The following IQCK variants were observed in gnomAD, a reference collection of about 807,000 sequenced individuals.
The protein encoded by IQCK is IQ motif containing K, also known as IQ domain-containing protein K.
IQCK carries 29 observed loss-of-function variants against 28.1 expected under a neutral mutation model. That is an observed-to-expected ratio of 1.03 (90% CI 0.77 to 1.41). The LOEUF (loss-of-function observed/expected upper bound fraction) is 1.41, where lower values mean the gene tolerates loss of function less well. IQCK is among the 40% of genes most tolerant of loss of function. The pLI is 0.00. For missense variants in IQCK, 359 were observed against 314.7 expected (o/e 1.14, Z -1.07); for synonymous variants, 113 against 115.1 (o/e 0.98, Z 0.12).
At chr16:19,843,503 C>A (rs1202000276) in intron 9 of IQCK, among the ~76,000 whole-genome samples, 1 of 152,204 alleles carries the variant, frequency 6.6e-6, no homozygotes, top group Non-Finnish European at 1.5e-5. Context: ...TCACTCAGCA[C>A]AATGTTTGCA....
At chr16:19,826,085 C>T (rs932960793) in intron 7 of IQCK, among the ~76,000 whole-genome samples, 5 of 152,220 alleles carry the variant, frequency 3.3e-5, no homozygotes, top group Admixed American at 6.5e-5. Flanking sequence ...TGGCTTACTG[C>T]AGCCTCAACC....
At chr16:19,722,027 A>G (rs1388667377) in intron 1 of IQCK, among the ~76,000 whole-genome samples, 1 of 152,224 alleles carries the variant, frequency 6.6e-6, no homozygotes, top group African/African-American at 2.4e-5. Context: ...AGATACCGAC[A>G]TGGATCAGTT....
chr16:19,723,960 CAAAAA>C (rs573020918), intron 1 of IQCK, among the ~76,000 whole-genome samples: 36 of 104,404 alleles, frequency 3.4e-4, no homozygotes, highest in African/African-American at 1.1e-3. Flanking sequence ...ACTCTTGTTT[CAAAAA>C]AAAAAAAAAA....
intron 4 of IQCK, 31 bp from the exon 5 acceptor site, chr16:19,763,817 G>A (rs777696913): frequency 2.6e-6 from 4 of 1,552,302 alleles, no homozygotes; most frequent in African/African-American, 1.4e-5. Flanking sequence ...TTAAGGGTCA[G>A]TTGTAATTTA....
chr16:19,737,690 T>C (rs190682750), intron 4 of IQCK, among the ~76,000 whole-genome samples: 180 of 152,208 alleles, frequency 1.2e-3, no homozygotes, highest in African/African-American at 4.2e-3. Flanking sequence ...TCTGCCTAGT[T>C]CATGTGTTCA....
At chr16:19,798,458 C>T (rs2055718049) in intron 7 of IQCK, among the ~76,000 whole-genome samples, 1 of 114,676 alleles carries the variant, frequency 8.7e-6, no homozygotes. Flanking sequence ...CGGTCACTTA[C>T]AGCCTAGAGT....
At chr16:19,766,930 T>C (rs535592901) in intron 6 of IQCK, among the ~76,000 whole-genome samples, 7 of 152,102 alleles carry the variant, frequency 4.6e-5, no homozygotes, top group Non-Finnish European at 8.8e-5. Flanking sequence ...ATTTGCCAGG[T>C]GTGGTGGCAC....
intron 6 of IQCK, among the ~76,000 whole-genome samples, chr16:19,775,152 G>A (rs1036445666): frequency 2.0e-5 from 3 of 151,668 alleles, no homozygotes; most frequent in Non-Finnish European, 2.9e-5. Context: ...ACTTGAACCC[G>A]GGAGGTGGAG....
At chr16:19,764,655 T>C (rs1352172632) in intron 6 of IQCK, among the ~76,000 whole-genome samples, 1 of 151,752 alleles carries the variant, frequency 6.6e-6, no homozygotes, top group Admixed American at 6.6e-5. Flanking sequence ...TATGCTGCTC[T>C]GTCTATGGAG....
intron 3 of IQCK, 66 bp from the exon 4 acceptor site, chr16:19,735,287 C>T: frequency 9.3e-7 from 1 of 1,071,352 alleles, no homozygotes; most frequent in Non-Finnish European, 1.4e-6. Context: ...CAAAAGTAAA[C>T]ATTTCTCCCA....
At chr16:19,738,775 A>G (rs1293804612) in intron 4 of IQCK, among the ~76,000 whole-genome samples, 1 of 152,182 alleles carries the variant, frequency 6.6e-6, no homozygotes, top group African/African-American at 2.4e-5. Flanking sequence ...TACACCTGCT[A>G]CCTGAGTGGT....
At chr16:19,739,051 C>G (rs73541471) in intron 4 of IQCK, among the ~76,000 whole-genome samples, 175 of 152,308 alleles carry the variant, frequency 1.1e-3, no homozygotes, top group African/African-American at 4.2e-3. Context: ...AGCTGTGGCT[C>G]TCAGCTTGCA....
intron 4 of IQCK, among the ~76,000 whole-genome samples, chr16:19,750,252 A>AGCT (rs2054967900): frequency 6.7e-6 from 1 of 148,536 alleles, no homozygotes; most frequent in South Asian, 2.1e-4. Flanking sequence ...TCAGCCTCCC[A>AGCT]AGTAGCTAGG....
chr16:19,747,885 A>G (rs2054933792), intron 4 of IQCK, among the ~76,000 whole-genome samples: 2 of 152,166 alleles, frequency 1.3e-5, no homozygotes, highest in African/African-American at 4.8e-5. Context: ...CAAAGTGCAG[A>G]TACAGGAAGG....
chr16:19,732,511 G>A (rs894343380), intron 2 of IQCK, among the ~76,000 whole-genome samples: 1 of 152,276 alleles, frequency 6.6e-6, no homozygotes, highest in Middle Eastern at 3.4e-3. Flanking sequence ...TTGAGACAGG[G>A]TCTTACTCTG....
At chr16:19,735,676 C>T in intron 4 of IQCK, 1 of 516,418 alleles carries the variant, frequency 1.9e-6, no homozygotes, top group African/African-American at 1.9e-5. Context: ...GCTTTTCCGC[C>T]TTGCTTGGCC....
chr16:19,745,616 A>G (rs1038567006), intron 4 of IQCK, among the ~76,000 whole-genome samples: 1 of 152,254 alleles, frequency 6.6e-6, no homozygotes. Context: ...CTTAGATGAT[A>G]TAATATAACC....
At chr16:19,815,488 A>G (rs1255138281) in intron 7 of IQCK, among the ~76,000 whole-genome samples, 1 of 151,506 alleles carries the variant, frequency 6.6e-6, no homozygotes, top group Non-Finnish European at 1.5e-5. Context: ...CCATCTCTAC[A>G]ATTAGGAAAA....
At chr16:19,849,873 C>T (rs2056460352) in intron 9 of IQCK, among the ~76,000 whole-genome samples, 2 of 152,172 alleles carry the variant, frequency 1.3e-5, no homozygotes, top group Non-Finnish European at 2.9e-5. Flanking sequence ...CCAGCTCTAA[C>T]AGACAGAAGC....
Sources: allele counts gnomAD v4.1 joint callset (sites outside exome capture counted in the v4.1 genomes callset), GRCh38; gene constraint gnomAD v4.1.1; transcripts MANE v1.5; gene names NCBI Gene and HGNC (gene_info 2026-07-23, HGNC 2026-07-21).